Variants in MSH5 observed in about 807,000 individuals in gnomAD.
MSH5 encodes mutS homolog 5, also known as mutS protein homolog 5.
A neutral mutation model predicts 107.7 loss-of-function variants in MSH5; 78 were observed. The ratio of observed to expected loss-of-function variants is 0.72; its 90% CI spans 0.60 to 0.87. MSH5 has a LOEUF of 0.87. MSH5 is among the 40% of genes least tolerant of loss of function. MSH5 has a pLI of 0.00. For synonymous variants in MSH5, 326 were observed against 399.5 expected (o/e 0.82, Z 2.19); for missense variants, 889 against 1,046.6 (o/e 0.85, Z 2.08).
intron 10 of MSH5, among the ~76,000 whole-genome samples, chr6:31,752,627 C>T (rs1210798648): frequency 2.7e-5 from 4 of 149,636 alleles, no homozygotes; most frequent in South Asian, 4.2e-4. Context: ...GGCTGAGGCA[C>T]GAAAATCACT....
chr6:31,745,371 A>G, intron 9 of MSH5, 52 bp downstream of exon 9: 2 of 1,283,702 alleles, frequency 1.6e-6, no homozygotes, highest in Non-Finnish European at 2.3e-6. Context: ...CCAGAAAAGC[A>G]ATTGGCTCCA....
intron 12 of MSH5, among the ~76,000 whole-genome samples, chr6:31,754,523 G>A (rs1562238209): frequency 6.6e-6 from 1 of 151,768 alleles, no homozygotes; most frequent in Non-Finnish European, 1.5e-5. Context: ...TCGTTTGTTT[G>A]TTTTTTTAAA....
Position 31,758,630 on chromosome 6 carries a change from G to T in MSH5, c.1216+10G>T. 1 of 1,613,974 alleles carries T rather than the reference G, an allele frequency of 6.2e-7. No homozygotes were observed. The highest frequency in any genetic ancestry group is 8.5e-7 in the Non-Finnish European group (1 of 1,179,988). On this transcript the variant is annotated intron_variant, in intron 14 of 24. Coordinates refer to ENST00000375750, the MANE Select transcript of MSH5 (RefSeq NM_172166.4). This position sits in a 1 kb window ranked among gnomAD's most constrained non-coding sequence, Gnocchi z 5.1. ...CCTGAAATTGATGAGAGTGAGTGTTGGGTGTGGATGGGCCTGTGAGCCCTG... is the reference window on the plus strand; with the variant it reads ...CCTGAAATTGATGAGAGTGAGTGTTTGGTGTGGATGGGCCTGTGAGCCCTG...
intron 12 of MSH5, 78 bp downstream of exon 12, chr6:31,753,707 C>T: frequency 7.8e-7 from 1 of 1,288,112 alleles, no homozygotes; most frequent in Admixed American, 1.8e-5. Flanking sequence ...GTACCCTAGA[C>T]ATGCTGTCCA....
intron 12 of MSH5, among the ~76,000 whole-genome samples, chr6:31,755,670 A>AT (rs1421687484): frequency 6.6e-6 from 1 of 151,678 alleles, no homozygotes; most frequent in Non-Finnish European, 1.5e-5. Flanking sequence ...CCAATTTTTT[A>AT]TTTTTTGTAG....
chr6:31,740,376 G>A lies in MSH5; in HGVS notation c.-13-78G>A. ...CTGTAGCAGAAGTACTTAGTGCTTTGCATTCTGCGCGCCACCCTACCCCGG... is the reference window on the plus strand; with the variant it reads ...CTGTAGCAGAAGTACTTAGTGCTTTACATTCTGCGCGCCACCCTACCCCGG... On this transcript the variant is annotated intron_variant, in intron 1 of 24. Transcript: ENST00000375750. This position sits in a 1 kb window ranked among gnomAD's most constrained non-coding sequence, Gnocchi z 4.4. 1 of 1,465,704 alleles carries A rather than the reference G, an allele frequency of 6.8e-7. No homozygotes were observed. Among genetic ancestry groups the A allele is most frequent in the Non-Finnish European group, 9.2e-7 (1 of 1,088,184 alleles). 90.8% of individuals were successfully genotyped at this position (1,465,704 alleles called of 1,614,324 possible).
chr6:31,759,338 T>C lies in MSH5; in HGVS notation c.1408-87T>C. On this transcript the variant is annotated intron_variant, in intron 16 of 24. Transcript: ENST00000375750. The surrounding 1 kb of genome is among the most constrained non-coding windows in gnomAD (Gnocchi z 4.7). ...AGACAAAGGAAAGAGAAGTCAGAGT[T>C]AGGGGCTGGAGGTGGGGTTAGAAAG... The C allele has an allele frequency of 6.8e-7, 1 of 1,471,618 alleles. No homozygotes were observed. The highest frequency in any genetic ancestry group is 9.5e-7 in the Non-Finnish European group (1 of 1,054,912). 91.2% of individuals were successfully genotyped at this position (1,471,618 alleles called of 1,614,324 possible).
In MSH5 at chr6:31,759,261, C is replaced by T; in HGVS notation, c.1407+84C>T. ...AGAGCGTTACTCTACAGCAGCACTG[C>T]CCAATATGGGATCTCTCCTCTGTAG... On this transcript the variant is annotated intron_variant, in intron 16 of 24. Transcript: ENST00000375750. This position sits in a 1 kb window ranked among gnomAD's most constrained non-coding sequence, Gnocchi z 4.7. The T allele has an allele frequency of 7.3e-7, 1 of 1,378,346 alleles. No homozygotes were observed. The highest frequency in any genetic ancestry group is 2.3e-5 in the East Asian group (1 of 43,730). 85.4% of individuals were successfully genotyped at this position (1,378,346 alleles called of 1,614,324 possible).
At position 31,759,725 on chromosome 6, in the gene MSH5, C is replaced by T; in HGVS notation, c.1496-61C>T. 1 of 1,579,906 alleles carries T rather than the reference C, an allele frequency of 6.3e-7. No individual in the cohort carries two copies. Among genetic ancestry groups the T allele is most frequent in the East Asian group, 2.2e-5 (1 of 44,670 alleles). Reference sequence around the variant, plus strand: ...TGTTTCCAGATCCCCCTAGGGGCCTCTGCCTCTCCTTCACTTTCCCCTGGA... The same window carrying T: ...TGTTTCCAGATCCCCCTAGGGGCCTTTGCCTCTCCTTCACTTTCCCCTGGA... On this transcript the variant is annotated intron_variant, in intron 17 of 24. Transcript: ENST00000375750. This position sits in a 1 kb window ranked among gnomAD's most constrained non-coding sequence, Gnocchi z 4.7.
At chr6:31,745,446 C>A in intron 9 of MSH5, 127 bp downstream of exon 9, 1 of 677,794 alleles carries the variant, frequency 1.5e-6, no homozygotes, top group Non-Finnish European at 2.5e-6. Context: ...CATGCCAATC[C>A]AAATTTCTTA....
Position 31,758,377 on chromosome 6 carries a change from T to C in MSH5, c.1143+84T>C, listed in dbSNP as rs528769588. On this transcript the variant is annotated intron_variant, in intron 13 of 24. Coordinates refer to ENST00000375750, the MANE Select transcript of MSH5 (RefSeq NM_172166.4). The surrounding 1 kb of genome is among the most constrained non-coding windows in gnomAD (Gnocchi z 5.1). ...GCAAGATGGGGAAACATGGAAGATATTGAGGTCAATTGGATAAAGAATGGG... is the reference window on the plus strand; with the variant it reads ...GCAAGATGGGGAAACATGGAAGATACTGAGGTCAATTGGATAAAGAATGGG... 317 of 1,584,432 alleles carry C rather than the reference T, an allele frequency of 2.0e-4. 1 individual carries two copies. The highest frequency in any genetic ancestry group is 3.7e-4 in the Admixed American group (22 of 58,930).
chr6:31,743,340 T>A, intron 5 of MSH5, 170 bp downstream of exon 5: 1 of 685,808 alleles, frequency 1.5e-6, no homozygotes, highest in Non-Finnish European at 2.5e-6. Context: ...TCCCTACCCT[T>A]TAATAACCTG....
rs962563651 is a variant in MSH5, at chr6:31,758,991, C to G, written c.1327-106C>G. On this transcript the variant is annotated intron_variant, in intron 15 of 24. Transcript: ENST00000375750. The surrounding 1 kb of genome is among the most constrained non-coding windows in gnomAD (Gnocchi z 5.1). ...TGGGGCAGCCTGAAGAACATGAACA[C>G]TTTTTTGTGGGGATACAGGGATCTT... 2.1e-6 allele frequency: 3 copies of G among 1,419,702 alleles called. No individual in the cohort carries two copies. The highest frequency in any genetic ancestry group is 1.1e-5 in the South Asian group (1 of 86,980). 87.9% of individuals were successfully genotyped at this position (1,419,702 alleles called of 1,614,324 possible).
intron 10 of MSH5, among the ~76,000 whole-genome samples, 198 bp downstream of exon 10, chr6:31,747,630 C>T (rs1170634767): frequency 6.6e-6 from 1 of 152,170 alleles, no homozygotes; most frequent in African/African-American, 2.4e-5. Flanking sequence ...TGATATGCAT[C>T]TCATTTTTTG....
chr6:31,754,753 CT>C (rs71552080), intron 12 of MSH5, among the ~76,000 whole-genome samples: 4,561 of 135,232 alleles, frequency 0.034, 66 homozygotes, highest in African/African-American at 0.083. Flanking sequence ...TTTCTTTTTT[CT>C]TTTTTTTTTT....
Position 31,761,166 on chromosome 6 carries a change from T to G in MSH5, c.1963-22T>G, listed in dbSNP as rs1255207738. On this transcript the variant is annotated intron_variant, in intron 20 of 24. Coordinates refer to ENST00000375750, the MANE Select transcript of MSH5 (RefSeq NM_172166.4). This position sits in a 1 kb window ranked among gnomAD's most constrained non-coding sequence, Gnocchi z 5.3. ...ACGGGCTTCCAATACTAACTTTCCC[T>G]TGTCCACCTTATACCCAGCAGGTGG... The G allele has an allele frequency of 4.3e-6, 7 of 1,611,604 alleles. No individual in the cohort carries two copies. Among genetic ancestry groups the G allele is most frequent in the Non-Finnish European group, 5.9e-6 (7 of 1,178,830 alleles).
chr6:31,750,761 G>A (rs1361489548), intron 10 of MSH5, among the ~76,000 whole-genome samples: 1 of 152,122 alleles, frequency 6.6e-6, no homozygotes, highest in Non-Finnish European at 1.5e-5. Context: ...AATCTGGGGT[G>A]TTCTAACCCA....
chr6:31,743,774 C>T, intron 5 of MSH5, 130 bp from the exon 6 acceptor site: 1 of 1,354,108 alleles, frequency 7.4e-7, no homozygotes, highest in Non-Finnish European at 1.0e-6. Flanking sequence ...CTTGCTCTAG[C>T]TTTCCATTAA....
rs951767819 is a variant in MSH5, at chr6:31,743,951, A to G, written c.463A>G (p.Ile155Val). The G allele has an allele frequency of 6.2e-7, 1 of 1,613,636 alleles. No individual in the cohort carries two copies. Among genetic ancestry groups the G allele is most frequent in the African/African-American group, 1.3e-5 (1 of 74,992 alleles). The stretch of plus-strand genomic sequence containing the variant: ...CCTCCTTTCTGGAAACTACTCCTTC[A>G]TCCCAGACGCCATGACTGCCACTGA... The part of the protein sequence containing the change: ...QRLLSGNYSF[I>V]PDAMTATEKI... The change falls in exon 6 of 25, where the codon ATC becomes GTC. Residue 155 changes from isoleucine to valine, a missense_variant. Transcript: ENST00000375750.
Sources: gnomAD v4.1 joint callset for allele counts (sites outside exome capture counted in the v4.1 genomes callset) on GRCh38, gnomAD v4.1.1 for gene constraint, Gnocchi (gnomAD v3.1) non-coding constraint, MANE v1.5 for transcripts, NCBI Gene and HGNC (gene_info 2026-07-23, HGNC 2026-07-21) for gene names.